RABL2B: variants seen among roughly 807,000 people sequenced by gnomAD.
The protein encoded by RABL2B is rab-like protein 2B.
A neutral mutation model predicts 26.7 loss-of-function variants in RABL2B; 17 were observed. The ratio of observed to expected loss-of-function variants is 0.64; its 90% CI spans 0.44 to 0.95. RABL2B has a LOEUF of 0.95. Ranked by LOEUF, RABL2B falls within the 40% of genes least tolerant of loss-of-function variation. The pLI, the probability that RABL2B is intolerant of heterozygous loss-of-function variation, is 0.00. For synonymous variants in RABL2B, 70 were observed against 103.9 expected, an observed-to-expected ratio of 0.67 and a Z score of 1.99; for missense variants, 170 against 277.2, an observed-to-expected ratio of 0.61 and a Z score of 2.75.
chr22:50,775,068 C>T (rs565479905), intron 5 of RABL2B, among the ~76,000 whole-genome samples: 62 of 151,742 alleles, frequency 4.1e-4, no homozygotes, highest in African/African-American at 1.4e-3. Context: ...CATGAGCCAC[C>T]GTGCCCAGCC....
chr22:50,770,830 AC>A (rs2084033017), intron 5 of RABL2B, among the ~76,000 whole-genome samples: 1 of 151,172 alleles, frequency 6.6e-6, no homozygotes, highest in Non-Finnish European at 1.5e-5. Context: ...GCTCACTGTA[AC>A]CTCAAAACTC....
intron 5 of RABL2B, among the ~76,000 whole-genome samples, chr22:50,774,062 T>C (rs1434365905): frequency 2.6e-5 from 4 of 152,016 alleles, no homozygotes; most frequent in Non-Finnish European, 5.9e-5. Context: ...GCCCGGCTAA[T>C]TTTTTTGTAT....
At chr22:50,769,603 G>A (rs1555916754) in intron 6 of RABL2B, 51 bp from the exon 7 acceptor site, 34 of 1,612,030 alleles carry the variant, frequency 2.1e-5, no homozygotes, top group Non-Finnish European at 2.8e-5. Flanking sequence ...AAGGGAAGAA[G>A]GTTTGGAGGG....
At chr22:50,772,896 A>G in intron 5 of RABL2B, 1 of 1,195,664 alleles carries the variant, frequency 8.4e-7, no homozygotes, top group Non-Finnish European at 1.1e-6. Flanking sequence ...CAAGGTTTCA[A>G]GGTGGAGGGT....
At chr22:50,782,462 C>G (rs1203132774) in intron 1 of RABL2B, 115 bp from the exon 2 acceptor site, 9 of 1,464,052 alleles carry the variant, frequency 6.1e-6, no homozygotes, top group African/African-American at 1.4e-5. Flanking sequence ...ATATGGTATG[C>G]AATTGACTAC....
At position 50,775,845 on chromosome 22, in the gene RABL2B, C is replaced by G. The variant is rs781891347; in HGVS notation, c.224G>C (p.Trp75Ser). 22 of 1,614,172 alleles carry G rather than the reference C, an allele frequency of 1.4e-5. No individual in the cohort carries two copies. Among genetic ancestry groups the G allele is most frequent in the Non-Finnish European group, 1.6e-5 (19 of 1,180,036 alleles). The change falls in exon 5 of 9, where the codon TGG (tryptophan) becomes TCG (serine). Residue 75 changes from tryptophan to serine, a missense_variant. Transcript: ENST00000691320. The stretch of plus-strand genomic sequence containing the variant: ...GAACCGCTCCTGGCCTGCCGTGTCC[C>G]AAAAGTCTGCAATGTGAACACAGAC... ...VDGRTILVDF[W>S]DTAGQERFQS...
chr22:50,776,687 C>T lies in RABL2B; in HGVS notation c.200G>A (p.Gly67Glu), dbSNP rs782222252. Residue 67 changes from glycine to glutamate, a missense_variant, in exon 4 of 9, where the codon GGA becomes GAA. Gly to Glu is a moderately conservative substitution (Grantham distance 98). Around this residue, in one of 2 missense-constraint regions of RABL2B, gnomAD observed 165 missense variants for 232.0 expected, o/e 0.71. Coordinates refer to ENST00000691320, the MANE Select transcript of RABL2B (RefSeq NM_001130919.3). ...CCACTTACCCACAAGGATGGTCCTT[C>T]CATCTACCGTGGCTGTGTGCTTGTA... Reference protein sequence around the residue: ...TLYKHTATVDGRTILVDFWDT... With the variant: ...TLYKHTATVDERTILVDFWDT... The T allele has an allele frequency of 1.2e-6, 2 of 1,611,608 alleles. No individual in the cohort carries two copies. The highest frequency in any genetic ancestry group is 4.5e-5 in the East Asian group (2 of 44,818).
In RABL2B at chr22:50,772,431, C is replaced by A. The variant is rs185235302; in HGVS notation, c.298-2415G>T. The A allele has an allele frequency of 2.2e-5, 22 of 985,936 alleles. No individual in the cohort carries two copies. In the African/African-American group the frequency reaches 3.8e-4, roughly 17 times the overall value. 61.1% of individuals were successfully genotyped at this position (985,936 alleles called of 1,614,324 possible). A position where few individuals can be genotyped will look rare whatever the true frequency, so the allele number is the denominator to read the frequency against. ...CAACTGAGCTGCTGCTACAGTGAGC[C>A]TTCATGCCCTTCACAGGAGCTCCTC... On this transcript the variant is annotated intron_variant, in intron 5 of 8. Coordinates refer to ENST00000691320, the MANE Select transcript of RABL2B (RefSeq NM_001130919.3).
chr22:50,780,391 T>A (rs797028083), intron 2 of RABL2B, among the ~76,000 whole-genome samples: 7 of 149,366 alleles, frequency 4.7e-5, no homozygotes, highest in African/African-American at 1.5e-4. Flanking sequence ...TGAACACAAG[T>A]GTTAACTTTT....
intron 2 of RABL2B, among the ~76,000 whole-genome samples, chr22:50,780,063 T>C (rs2085565000): frequency 6.6e-6 from 1 of 152,156 alleles, no homozygotes; most frequent in East Asian, 1.9e-4. Flanking sequence ...CAGTGGCTCA[T>C]GCCTGTAATG....
At chr22:50,779,290 C>T (rs2085441823) in intron 2 of RABL2B, among the ~76,000 whole-genome samples, 1 of 151,332 alleles carries the variant, frequency 6.6e-6, no homozygotes, top group South Asian at 2.1e-4. Context: ...CAGGCCTGAG[C>T]TCAAAAACAG....
chr22:50,770,790 C>T (rs2084026819), intron 5 of RABL2B, among the ~76,000 whole-genome samples: 1 of 151,770 alleles, frequency 6.6e-6, no homozygotes, highest in Non-Finnish European at 1.5e-5. Context: ...TTCACTGTCA[C>T]CCAGGCTAGA....
chr22:50,772,718 C>T (rs1178730106), intron 5 of RABL2B: 38 of 1,051,738 alleles, frequency 3.6e-5, no homozygotes, highest in Non-Finnish European at 4.4e-5. Flanking sequence ...ACCAGGTTGT[C>T]TTGAATTCCC....
chr22:50,770,774 CAG>C (rs1198094496), intron 5 of RABL2B, among the ~76,000 whole-genome samples: 1 of 152,010 alleles, frequency 6.6e-6, no homozygotes, highest in African/African-American at 2.4e-5. Flanking sequence ...TTTTTAGAGA[CAG>C]GGTTTCACTG....
At position 50,780,373 on chromosome 22, in the gene RABL2B, A is replaced by G. The variant is rs187174427; in HGVS notation, c.107+1815T>C. Among the ~76,000 whole-genome samples the G allele has an allele frequency of 4.2e-3, 644 of 151,694 alleles. 4 individuals carry two copies. The highest frequency in any genetic ancestry group is 6.2e-3 in the Non-Finnish European group (421 of 67,928). On this transcript the variant is annotated intron_variant, in intron 2 of 8. Coordinates refer to ENST00000691320, the MANE Select transcript of RABL2B (RefSeq NM_001130919.3). ...AGGCCGTGTACAACTGACGCCCTTC[A>G]GATATGATGAACACAAGTGTTAACT...
At chr22:50,778,939 A>G (rs1555926469) in intron 2 of RABL2B, among the ~76,000 whole-genome samples, 1 of 150,482 alleles carries the variant, frequency 6.6e-6, no homozygotes, top group Non-Finnish European at 1.5e-5. Flanking sequence ...AACTATAAAG[A>G]AACAGCACCC....
At chr22:50,780,271 G>A (rs1412574343) in intron 2 of RABL2B, among the ~76,000 whole-genome samples, 1 of 151,750 alleles carries the variant, frequency 6.6e-6, no homozygotes, top group African/African-American at 2.4e-5. Flanking sequence ...AAAGCCTGGT[G>A]ACTGGGGCTG....
chr22:50,769,638 C>A lies in RABL2B; in HGVS notation c.410-86G>T, dbSNP rs142242597. 2.3e-3 allele frequency: 3,694 copies of A among 1,595,124 alleles called. 75 individuals are homozygous for A. The African/African-American group carries it at 0.045, about 19-fold the overall frequency. ...GGGGGGCCACTGGAGGCCTTCATTC[C>A]AGAAAGTGGGATAGGCAGGGATGAT... is the stretch of plus-strand genomic sequence containing the variant. On this transcript the variant is annotated intron_variant, in intron 6 of 8. Coordinates refer to ENST00000691320, the MANE Select transcript of RABL2B (RefSeq NM_001130919.3).
chr22:50,777,903 C>T lies in RABL2B; in HGVS notation c.137+49G>A, dbSNP rs549421709. 72 of 1,613,464 alleles carry T rather than the reference C, an allele frequency of 4.5e-5. 1 individual carries two copies. Among genetic ancestry groups the T allele is most frequent in the Admixed American group, 2.2e-4 (13 of 60,010 alleles). On this transcript the variant is annotated intron_variant, in intron 3 of 8. Transcript: ENST00000691320. ...GGGCAGTGGGACACTGATACATGAGCGTGGGAAGACCCACAGGAACAAGGG... is the reference window on the plus strand; with the variant it reads ...GGGCAGTGGGACACTGATACATGAGTGTGGGAAGACCCACAGGAACAAGGG...
Sources: allele counts gnomAD v4.1 joint callset (sites outside exome capture counted in the v4.1 genomes callset), GRCh38; gene constraint gnomAD v4.1.1; regional missense constraint gnomAD v4.1.1; transcripts MANE v1.5; gene names NCBI Gene and HGNC (gene_info 2026-07-23, HGNC 2026-07-21).